ZEB1: variants seen among roughly 807,000 people sequenced by gnomAD.
ZEB1 encodes zinc finger E-box binding homeobox 1, also known as zinc finger E-box-binding homeobox 1.
In ZEB1, 21 loss-of-function variants were observed where a neutral mutation model predicts 84.9. That is an observed-to-expected ratio of 0.25 (90% confidence interval 0.18 to 0.36). ZEB1 has a LOEUF of 0.36. Ranked by LOEUF, ZEB1 falls within the 10% of genes least tolerant of loss-of-function variation. The pLI is 1.00. For synonymous variants in ZEB1, 420 were observed against 471.1 expected (o/e 0.89, Z 1.41); for missense variants, 1,104 against 1,330.2 (o/e 0.83, Z 2.65).
chr10:31,403,993 A>C (rs2052521387), intron 1 of ZEB1, among the ~76,000 whole-genome samples: 1 of 152,110 alleles, frequency 6.6e-6, no homozygotes, highest in African/African-American at 2.4e-5. Flanking sequence ...TTAAGGAATA[A>C]ACTATGTACG....
intron 3 of ZEB1, among the ~76,000 whole-genome samples, chr10:31,499,695 G>A (rs1477505350): frequency 3.9e-5 from 6 of 152,168 alleles, no homozygotes; most frequent in East Asian, 1.9e-4. Flanking sequence ...GACCCAGGAG[G>A]TGGAGGTTGC....
At chr10:31,341,512 T>G (rs2039358708) in intron 1 of ZEB1, among the ~76,000 whole-genome samples, 1 of 152,064 alleles carries the variant, frequency 6.6e-6, no homozygotes, top group East Asian at 1.9e-4. Context: ...GAGTTTAAGA[T>G]GGTTGTGACA....
At chr10:31,389,242 A>G (rs2049184344) in intron 1 of ZEB1, among the ~76,000 whole-genome samples, 3 of 152,138 alleles carry the variant, frequency 2.0e-5, no homozygotes, top group South Asian at 4.1e-4. Flanking sequence ...CTGTTGTTCT[A>G]TGATTTTGAT....
chr10:31,441,312 T>C (rs1321086073), intron 1 of ZEB1, among the ~76,000 whole-genome samples: 2 of 152,184 alleles, frequency 1.3e-5, no homozygotes, highest in Non-Finnish European at 2.9e-5. Context: ...GGGGAAAGAA[T>C]TTCCTGTTTA....
chr10:31,338,078 G>C (rs537196583), intron 1 of ZEB1, among the ~76,000 whole-genome samples: 1 of 152,072 alleles, frequency 6.6e-6, no homozygotes, highest in Non-Finnish European at 1.5e-5. Context: ...TTATATTTTT[G>C]TAGTCACTAA....
chr10:31,526,707 G>A lies in ZEB1; in HGVS notation c.2821G>A (p.Ala941Thr), dbSNP rs1358076316. The change falls in exon 9 of 9, where the codon GCA becomes ACA. Residue 941 changes from alanine (A) to threonine (T), a missense_variant. Transcript: ENST00000424869. Reference protein sequence around the residue: ...RPHECGICKKAFKHKHHLIEH... With the variant: ...RPHECGICKKTFKHKHHLIEH... ...TCATGAGTGTGGAATCTGTAAAAAG[G>A]CATTTAAACACAAACATCATTTGAT... The A allele has an allele frequency of 1.2e-6, 2 of 1,613,878 alleles. No homozygotes were observed. Among genetic ancestry groups the A allele is most frequent in the Non-Finnish European group, 8.5e-7 (1 of 1,180,008 alleles).
At chr10:31,367,899 A>G (rs2044844167) in intron 1 of ZEB1, among the ~76,000 whole-genome samples, 1 of 152,082 alleles carries the variant, frequency 6.6e-6, no homozygotes, top group Non-Finnish European at 1.5e-5. Context: ...GAAAATTTTT[A>G]AATAATTACA....
intron 1 of ZEB1, among the ~76,000 whole-genome samples, chr10:31,333,738 G>GA (rs1290253949): frequency 6.6e-6 from 1 of 151,884 alleles, no homozygotes; most frequent in African/African-American, 2.4e-5. Flanking sequence ...CATATGAGTT[G>GA]AAAAAATCCT....
At chr10:31,414,133 A>G (rs1372778739) in intron 1 of ZEB1, among the ~76,000 whole-genome samples, 3 of 152,218 alleles carry the variant, frequency 2.0e-5, no homozygotes, top group Non-Finnish European at 4.4e-5. Flanking sequence ...TAGTTTTTTC[A>G]TATATAACAT....
chr10:31,442,302 G>A (rs548385437), intron 1 of ZEB1, among the ~76,000 whole-genome samples: 2 of 151,882 alleles, frequency 1.3e-5, no homozygotes, highest in East Asian at 1.9e-4. Flanking sequence ...GCAAACTATC[G>A]CAAGGACAAA....
intron 1 of ZEB1, among the ~76,000 whole-genome samples, chr10:31,393,327 A>G (rs1279434030): frequency 1.3e-5 from 2 of 152,152 alleles, no homozygotes; most frequent in Non-Finnish European, 2.9e-5. Context: ...AAAAGTGACC[A>G]GATTTTGCTT....
At chr10:31,524,477 G>A (rs1243594151) in intron 8 of ZEB1, among the ~76,000 whole-genome samples, 1 of 151,934 alleles carries the variant, frequency 6.6e-6, no homozygotes, top group Non-Finnish European at 1.5e-5. Flanking sequence ...CCAAAGTGCT[G>A]GTATTACAGG....
intron 1 of ZEB1, among the ~76,000 whole-genome samples, chr10:31,411,330 A>G (rs1037625047): frequency 2.0e-5 from 3 of 152,206 alleles, no homozygotes; most frequent in Non-Finnish European, 2.9e-5. Context: ...ACAAAGACAC[A>G]CCATACCAGA....
chr10:31,486,892 C>G (rs926690942), intron 2 of ZEB1, among the ~76,000 whole-genome samples: 1 of 151,390 alleles, frequency 6.6e-6, no homozygotes, highest in Non-Finnish European at 1.5e-5. Context: ...TCTTTGTTTT[C>G]TTCACCTTTT....
chr10:31,468,870 A>G (rs2062786738), intron 2 of ZEB1, among the ~76,000 whole-genome samples: 2 of 152,212 alleles, frequency 1.3e-5, no homozygotes, highest in African/African-American at 4.8e-5. Flanking sequence ...CCAGGAAGAA[A>G]TAGAATGTTG....
chr10:31,508,614 G>T (rs1395473026), intron 4 of ZEB1, among the ~76,000 whole-genome samples: 1 of 152,164 alleles, frequency 6.6e-6, no homozygotes, highest in Admixed American at 6.5e-5. Flanking sequence ...GGAAACTGGG[G>T]AGGAGGTAAG....
intron 1 of ZEB1, among the ~76,000 whole-genome samples, chr10:31,327,109 T>C (rs1341099090): frequency 1.4e-5 from 2 of 143,894 alleles, no homozygotes; most frequent in African/African-American, 5.1e-5. Flanking sequence ...CTTTTTTTTT[T>C]TTTTTTTTTT....
At chr10:31,489,755 GTTA>G (rs1565094283) in intron 2 of ZEB1, among the ~76,000 whole-genome samples, 3 of 151,052 alleles carry the variant, frequency 2.0e-5, no homozygotes, top group African/African-American at 7.3e-5. Flanking sequence ...TGTAAGTCTT[GTTA>G]TTCTCCCTCC....
chr10:31,320,726 C>T (rs980511465), intron 1 of ZEB1: 2 of 152,204 alleles, frequency 1.3e-5, no homozygotes, highest in Admixed American at 1.3e-4. Flanking sequence ...CTGGTTATCT[C>T]GGGGCGATGC....
Sources: allele counts gnomAD v4.1 joint callset (sites outside exome capture counted in the v4.1 genomes callset), GRCh38; gene constraint gnomAD v4.1.1; transcripts MANE v1.5; gene names NCBI Gene and HGNC (gene_info 2026-07-23, HGNC 2026-07-21).